The following ASNS variants were observed in gnomAD, a reference collection of about 807,000 sequenced individuals.
ASNS encodes asparagine synthetase [glutamine-hydrolyzing].
Under a neutral mutation model 62.6 loss-of-function variants are expected in ASNS, and 37 were observed. That is an observed-to-expected ratio of 0.59 (90% CI 0.45 to 0.78). ASNS has a LOEUF of 0.78. Among genes scored for constraint, ASNS ranks in the 30% least tolerant of loss-of-function variants. ASNS has a pLI of 0.00. For synonymous variants in ASNS, 207 were observed against 237.9 expected, an observed-to-expected ratio of 0.87 and a Z score of 1.19; for missense variants, 520 against 682.4, an observed-to-expected ratio of 0.76 and a Z score of 2.65.
chr7:97,900,636 G>C, the ASNS span, among the ~76,000 whole-genome samples: 1 of 152,200 alleles, frequency 6.6e-6, no homozygotes, highest in Non-Finnish European at 1.5e-5. Flanking sequence ...ATGCTGCCAT[G>C]AGGGCACATT....
chr7:97,904,806 G>A, the ASNS span, among the ~76,000 whole-genome samples: 28 of 152,268 alleles, frequency 1.8e-4, no homozygotes, highest in Admixed American at 1.7e-3. Context: ...CTCCAAAAAC[G>A]ACAGCTGGTG....
At chr7:97,898,571 C>A in the ASNS span, 1 of 598,724 alleles carries the variant, frequency 1.7e-6, no homozygotes, top group East Asian at 3.1e-5. Context: ...ATTTATTGAC[C>A]ACTTCTTTCA....
chr7:97,918,418 C>T, the ASNS span, among the ~76,000 whole-genome samples: 7 of 152,142 alleles, frequency 4.6e-5, no homozygotes, highest in African/African-American at 1.4e-4. Context: ...TGGGAAAAGG[C>T]GGAAACCATC....
chr7:97,885,423 A>G, the ASNS span, among the ~76,000 whole-genome samples: 1 of 152,234 alleles, frequency 6.6e-6, no homozygotes, highest in Admixed American at 6.5e-5. Flanking sequence ...GTGGTGGGTC[A>G]TAGAACTCTG....
At chr7:97,879,127 C>T in the ASNS span, among the ~76,000 whole-genome samples, 4 of 152,106 alleles carry the variant, frequency 2.6e-5, no homozygotes, top group Non-Finnish European at 4.4e-5. Context: ...CTTCCTTACA[C>T]CTTATACAAA....
upstream of ASNS, among the ~76,000 whole-genome samples, chr7:97,877,411 C>A (rs1362755468): frequency 1.3e-5 from 2 of 152,044 alleles, no homozygotes; most frequent in Non-Finnish European, 2.9e-5. Context: ...TTCTATATTA[C>A]TTTCCTGTTG....
intron 4 of ASNS, 155 bp downstream of exon 4, chr7:97,864,104 G>A: frequency 3.1e-6 from 2 of 643,210 alleles, no homozygotes; most frequent in Non-Finnish European, 5.3e-6. Context: ...GAAAAGGAGA[G>A]TACAACTCCT....
intron 1 of ASNS, chr7:97,871,808 G>A (rs1422502162): frequency 1.3e-5 from 2 of 152,076 alleles, no homozygotes; most frequent in Admixed American, 6.6e-5. Flanking sequence ...GGCGGGGTGA[G>A]AGGGGAGGAG....
At chr7:97,895,715 C>T in the ASNS span, among the ~76,000 whole-genome samples, 3 of 152,048 alleles carry the variant, frequency 2.0e-5, no homozygotes, top group East Asian at 1.9e-4. Flanking sequence ...CGCTTGAACC[C>T]GAGAGGTGGA....
intron 1 of ASNS, among the ~76,000 whole-genome samples, chr7:97,870,556 C>G (rs960965727): frequency 2.6e-5 from 4 of 152,156 alleles, no homozygotes; most frequent in African/African-American, 9.7e-5. Context: ...TCATCTCAAG[C>G]AATTTGGAAA....
the ASNS span, among the ~76,000 whole-genome samples, chr7:97,895,984 T>A: frequency 7.0e-6 from 1 of 142,248 alleles, no homozygotes. Context: ...TAACCAAGGA[T>A]GAGGAAAAAA....
At chr7:97,888,897 G>GA in the ASNS span, among the ~76,000 whole-genome samples, 3 of 152,152 alleles carry the variant, frequency 2.0e-5, no homozygotes, top group African/African-American at 7.2e-5. Flanking sequence ...ACTTACTACT[G>GA]AGAGGCCTGA....
chr7:97,866,834 T>A (rs1187790128), intron 3 of ASNS, among the ~76,000 whole-genome samples: 2 of 152,214 alleles, frequency 1.3e-5, no homozygotes, highest in African/African-American at 2.4e-5. Flanking sequence ...GTCACCCCTC[T>A]CTGCTCTATC....
intron 3 of ASNS, 129 bp downstream of exon 3, chr7:97,868,779 G>T: frequency 7.4e-7 from 1 of 1,347,214 alleles, no homozygotes; most frequent in Non-Finnish European, 1.0e-6. Context: ...TACATACTTA[G>T]AGCAAATGAG....
chr7:97,924,310 G>A, the ASNS span, among the ~76,000 whole-genome samples: 1 of 152,156 alleles, frequency 6.6e-6, no homozygotes, highest in South Asian at 2.1e-4. Flanking sequence ...GGGGGGATGC[G>A]AGAACTTCCC....
chr7:97,884,321 G>A, the ASNS span, among the ~76,000 whole-genome samples: 1 of 152,206 alleles, frequency 6.6e-6, no homozygotes, highest in Non-Finnish European at 1.5e-5. Flanking sequence ...AGCTGAGGCG[G>A]CTGGATCACC....
chr7:97,881,274 A>C, the ASNS span, among the ~76,000 whole-genome samples: 1 of 152,164 alleles, frequency 6.6e-6, no homozygotes, highest in African/African-American at 2.4e-5. Flanking sequence ...TTCACATAAC[A>C]TACAAGTCCC....
the ASNS span, among the ~76,000 whole-genome samples, chr7:97,882,307 C>T: frequency 3.7e-3 from 564 of 152,208 alleles, 2 homozygotes; most frequent in Non-Finnish European, 6.4e-3. Context: ...CTAGCACTTT[C>T]GGAAGCCGAG....
rs189843507 is a variant in ASNS, at chr7:97,859,162, A to T, written c.673+51T>A. Reference sequence around the variant, plus strand: ...AAATGATGGGAGAATACAACTTAAAATTTTTTTCCCTTGGAGAAGGATGGG... The same window carrying T: ...AAATGATGGGAGAATACAACTTAAATTTTTTTTCCCTTGGAGAAGGATGGG... On this transcript the variant is annotated intron_variant, in intron 5 of 12. Coordinates refer to ENST00000394308, the MANE Select transcript of ASNS (RefSeq NM_001673.5). The T allele has an allele frequency of 6.7e-4, 1,034 of 1,548,794 alleles. 8 individuals are homozygous for T. In the African/African-American group the frequency reaches 0.013, roughly 19 times the overall value.
Sources: allele counts gnomAD v4.1 joint callset (sites outside exome capture counted in the v4.1 genomes callset), GRCh38; gene constraint gnomAD v4.1.1; transcripts MANE v1.5; gene names NCBI Gene and HGNC (gene_info 2026-07-23, HGNC 2026-07-21).